PDE4D: variants seen among roughly 807,000 people sequenced by gnomAD.
PDE4D encodes 3',5'-cyclic-AMP phosphodiesterase 4D.
PDE4D carries 24 observed loss-of-function variants against 87.4 expected under a neutral mutation model. The ratio of observed to expected loss-of-function variants is 0.27; its 90% confidence interval spans 0.20 to 0.39. The LOEUF is 0.39. Among genes scored for constraint, PDE4D ranks in the 10% least tolerant of loss-of-function variants. The probability of loss-of-function intolerance (pLI) is 1.00; values close to 1 mark genes in which losing one functional copy is unlikely to be tolerated. For synonymous variants in PDE4D, 384 were observed against 383.2 expected (o/e 1.00, Z -0.02); for missense variants, 714 against 1,041.0 (o/e 0.69, Z 4.32).
chr5:60,173,317 T>G (rs1783636841), intron 2 of PDE4D, among the ~76,000 whole-genome samples: 1 of 152,082 alleles, frequency 6.6e-6, no homozygotes, highest in South Asian at 2.1e-4. Flanking sequence ...CTGCCTTTCC[T>G]ACCTGTAAGT....
rs899317244 is a variant in PDE4D, at chr5:59,893,510, T to C, written c.113A>G (p.His38Arg). 2.8e-5 allele frequency: 43 copies of C among 1,541,304 alleles called. No individual in the cohort carries two copies. The African/African-American group carries it at 5.7e-4, about 20-fold the overall frequency. ...GGGCTGCCGGAGCGGGTACTGGTGG[T>C]GCTGCTCGTGCCTCCAGAGATGCTT... ...APKHLWRHEQ[H>R]HQYPLRQPQF... Residue 38 changes from histidine to arginine, a missense_variant, in exon 1 of 15, where the codon CAC (histidine) becomes CGC (arginine). Coordinates refer to ENST00000340635, the MANE Select transcript of PDE4D (RefSeq NM_001104631.2).
intron 1 of PDE4D, chr5:59,528,807 A>G (rs1232813816): frequency 7.3e-6 from 2 of 273,408 alleles, no homozygotes; most frequent in African/African-American, 4.5e-5. Context: ...GGTTACAGAT[A>G]CAAAAGTGTC....
chr5:59,917,331 G>A (rs1754176414), intron 3 of PDE4D, among the ~76,000 whole-genome samples: 1 of 152,110 alleles, frequency 6.6e-6, no homozygotes. Context: ...GTGACTCATG[G>A]CTTAGCTGGT....
chr5:59,345,095 G>A (rs1235610610), intron 1 of PDE4D, among the ~76,000 whole-genome samples: 1 of 151,716 alleles, frequency 6.6e-6, no homozygotes, highest in East Asian at 1.9e-4. Flanking sequence ...TGACTATAAT[G>A]ACAAAAAAGA....
intron 11 of PDE4D, among the ~76,000 whole-genome samples, chr5:58,983,227 C>T (rs141178406): frequency 2.0e-4 from 31 of 152,328 alleles, no homozygotes; most frequent in African/African-American, 7.5e-4. Context: ...CAGAACCATC[C>T]GTAAACCAGG....
intron 1 of PDE4D, among the ~76,000 whole-genome samples, chr5:59,445,801 G>T (rs1176472773): frequency 3.9e-5 from 6 of 152,082 alleles, no homozygotes; most frequent in Admixed American, 3.9e-4. Context: ...ATTCACTTTT[G>T]AAAAATATAT....
intron 1 of PDE4D, among the ~76,000 whole-genome samples, chr5:60,498,658 A>C (rs1713606013): frequency 6.6e-6 from 1 of 152,166 alleles, no homozygotes; most frequent in Non-Finnish European, 1.5e-5. Flanking sequence ...AAACAGCAAC[A>C]CTGGGCTGGT....
chr5:59,076,420 A>G (rs1442338317), intron 5 of PDE4D, among the ~76,000 whole-genome samples: 1 of 152,208 alleles, frequency 6.6e-6, no homozygotes, highest in East Asian at 1.9e-4. Flanking sequence ...ACTGGCTATT[A>G]TACTACGTGA....
exon 1 of PDE4D, chr5:60,487,955 T>C (rs1749286955): frequency 6.6e-6 from 1 of 152,632 alleles, no homozygotes; most frequent in Non-Finnish European, 1.5e-5. Context: ...GTCTTGAAGA[T>C]GCAATGTCAG....
chr5:59,440,345 C>T (rs1324288310), intron 1 of PDE4D, among the ~76,000 whole-genome samples: 1 of 152,146 alleles, frequency 6.6e-6, no homozygotes. Context: ...GAAACCGGTG[C>T]TAACATTTTA....
At position 59,532,280 on chromosome 5, in the gene PDE4D, A is replaced by G. The variant is rs111340395; in HGVS notation, c.456-316312T>C. Among the ~76,000 whole-genome samples, 890 of 152,116 alleles carry G rather than the reference A, an allele frequency of 5.9e-3. 14 individuals carry two copies. The highest frequency in any genetic ancestry group is 0.021 in the African/African-American group (872 of 41,508). ...CTCCTGAGTAGCTGGGATTACAGGCACCTGCCACCACCATGCCCAGCTAAT... is the reference window on the plus strand; with the variant it reads ...CTCCTGAGTAGCTGGGATTACAGGCGCCTGCCACCACCATGCCCAGCTAAT... On this transcript the variant is annotated intron_variant, in intron 1 of 14. Transcript: ENST00000340635.
intron 1 of PDE4D, among the ~76,000 whole-genome samples, chr5:59,794,900 G>C (rs758649354): frequency 1.3e-5 from 2 of 152,120 alleles, no homozygotes; most frequent in Non-Finnish European, 2.9e-5. Context: ...CTCTTCTCCA[G>C]CCTGGGACAC....
Position 59,106,938 on chromosome 5 carries a change from C to T in PDE4D, c.809-67967G>A, listed in dbSNP as rs542965818. ...GTAGCATACATCAGCTTTTTTTCTCCAATAGTTTTGAATATCCCACCACCT... is the reference window on the plus strand; with the variant it reads ...GTAGCATACATCAGCTTTTTTTCTCTAATAGTTTTGAATATCCCACCACCT... On this transcript the variant is annotated intron_variant, in intron 5 of 14. Coordinates refer to ENST00000340635, the MANE Select transcript of PDE4D (RefSeq NM_001104631.2). 3.3e-5 allele frequency among the ~76,000 whole-genome samples: 5 copies of T among 152,052 alleles called. No homozygotes were observed. In the South Asian group the frequency reaches 1.0e-3, roughly 32 times the overall value.
intron 1 of PDE4D, among the ~76,000 whole-genome samples, chr5:59,659,792 C>T (rs368473771): frequency 1.4e-4 from 22 of 152,144 alleles, no homozygotes; most frequent in African/African-American, 5.3e-4. Flanking sequence ...TGAACCACAC[C>T]ACACATCCTT....
At chr5:60,443,555 G>A (rs16878100) in intron 1 of PDE4D, among the ~76,000 whole-genome samples, 3,459 of 152,126 alleles carry the variant, frequency 0.023, 118 homozygotes, top group African/African-American at 0.08. Context: ...GAAATTGAGC[G>A]GCTTATGTCA....
At chr5:59,145,749 G>A (rs948979826) in intron 5 of PDE4D, among the ~76,000 whole-genome samples, 2 of 152,154 alleles carry the variant, frequency 1.3e-5, no homozygotes, top group African/African-American at 4.8e-5. Flanking sequence ...GCGAAATCAT[G>A]TGGTGTTTCT....
chr5:60,452,710 C>T (rs950904697), intron 1 of PDE4D, among the ~76,000 whole-genome samples: 3 of 152,062 alleles, frequency 2.0e-5, no homozygotes, highest in Admixed American at 6.6e-5. Flanking sequence ...GAAAAGGGAA[C>T]ATTTCTTGCC....
intron 2 of PDE4D, among the ~76,000 whole-genome samples, chr5:60,163,929 T>C (rs1782676050): frequency 6.6e-6 from 1 of 152,196 alleles, no homozygotes; most frequent in Non-Finnish European, 1.5e-5. Flanking sequence ...AATGAGATGA[T>C]GATATTGGAG....
chr5:59,734,643 A>G (rs1757835639), intron 1 of PDE4D, among the ~76,000 whole-genome samples: 1 of 152,162 alleles, frequency 6.6e-6, no homozygotes. Flanking sequence ...AGATATTAAG[A>G]TAACTCCATG....
Sources: gnomAD v4.1 joint callset for allele counts (sites outside exome capture counted in the v4.1 genomes callset) on GRCh38, gnomAD v4.1.1 for gene constraint, MANE v1.5 for transcripts, NCBI Gene and HGNC (gene_info 2026-07-23, HGNC 2026-07-21) for gene names.